Variants in PLEKHA8 observed in about 807,000 individuals in gnomAD.
The protein encoded by PLEKHA8 is pleckstrin homology domain containing A8.
In PLEKHA8, 36 loss-of-function variants were observed where a neutral mutation model predicts 68.2. That is an observed-to-expected ratio of 0.53 (90% CI 0.40 to 0.70). The LOEUF is 0.70. Among genes scored for constraint, PLEKHA8 ranks in the 30% least tolerant of loss-of-function variants. The pLI is 0.00. For synonymous variants in PLEKHA8, 211 were observed against 216.1 expected (o/e 0.98, Z 0.20); for missense variants, 505 against 615.4 (o/e 0.82, Z 1.90).
chr7:30,109,312 C>T (rs535213215), intron 13 of PLEKHA8, among the ~76,000 whole-genome samples: 1 of 152,222 alleles, frequency 6.6e-6, no homozygotes, highest in East Asian at 1.9e-4. Context: ...ATTAACATGG[C>T]TGGGCATGGT....
Position 30,099,478 on chromosome 7 carries a change from G to A in PLEKHA8, c.1362+25346G>A, listed in dbSNP as rs185159774. Among the ~76,000 whole-genome samples, 11 of 152,326 alleles carry A rather than the reference G, an allele frequency of 7.2e-5. No homozygotes were observed. In the East Asian group the frequency reaches 2.1e-3, roughly 29 times the overall value. ...GGAGTATGTCCTTGTAGGTGAAGGCGAGGCACAAAGTCTCCCTTGAGGTGG... is the reference window on the plus strand; with the variant it reads ...GGAGTATGTCCTTGTAGGTGAAGGCAAGGCACAAAGTCTCCCTTGAGGTGG... On this transcript the variant is annotated intron_variant, in intron 13 of 13. Coordinates refer to the PLEKHA8 transcript ENST00000396257.
chr7:30,067,850 C>A (rs369657868), intron 12 of PLEKHA8, among the ~76,000 whole-genome samples: 5 of 152,150 alleles, frequency 3.3e-5, no homozygotes, highest in African/African-American at 1.2e-4. Flanking sequence ...ATGAATAGAC[C>A]ATGGTTTCGA....
downstream of PLEKHA8, among the ~76,000 whole-genome samples, chr7:30,093,098 A>G (rs181238781): frequency 1.9e-4 from 29 of 152,284 alleles, no homozygotes; most frequent in Admixed American, 1.2e-3. Context: ...TGGGCACGTT[A>G]TTTTACAGTG....
At chr7:30,084,898 C>T (rs550523094), downstream of PLEKHA8, among the ~76,000 whole-genome samples, 31 of 152,122 alleles carry the variant, frequency 2.0e-4, no homozygotes, top group Non-Finnish European at 4.3e-4. Context: ...GGAATAGAGC[C>T]AGGCTACAAA....
At chr7:30,101,428 G>A (rs375455514) in intron 13 of PLEKHA8, among the ~76,000 whole-genome samples, 14 of 103,182 alleles carry the variant, frequency 1.4e-4, no homozygotes, top group African/African-American at 4.6e-4. Flanking sequence ...GCCAGAAACC[G>A]TGGTCGGGTT....
rs1408918308 is a variant in PLEKHA8, at chr7:30,082,203, C to A, written c.*3416C>A. ...GCATGTTATTCTGATTATTAAACTT[C>A]CCCCAATGTCATATTCCATGATGAG... On this transcript the variant is annotated 3_prime_UTR_variant, in exon 14 of 14. Transcript: ENST00000449726. The A allele has an allele frequency of 2.0e-6, 2 of 985,360 alleles. No individual in the cohort carries two copies. The highest frequency in any genetic ancestry group is 1.1e-4 in the East Asian group (1 of 8,820). 61.0% of individuals were successfully genotyped at this position (985,360 alleles called of 1,614,324 possible). A position where few individuals can be genotyped will look rare whatever the true frequency, so the allele number is the denominator to read the frequency against.
chr7:30,066,738 G>T (rs1390251645), intron 12 of PLEKHA8, among the ~76,000 whole-genome samples: 1 of 152,100 alleles, frequency 6.6e-6, no homozygotes, highest in Non-Finnish European at 1.5e-5. Flanking sequence ...GTGCTCAGTG[G>T]GATAACATAT....
intron 13 of PLEKHA8, among the ~76,000 whole-genome samples, chr7:30,108,780 C>T (rs1433941109): frequency 2.6e-5 from 4 of 152,206 alleles, no homozygotes; most frequent in African/African-American, 4.8e-5. Flanking sequence ...TTCAGCTTCC[C>T]ACAGAACCAG....
chr7:30,052,609 C>A, intron 6 of PLEKHA8, 100 bp from the exon 7 acceptor site: 1 of 1,037,068 alleles, frequency 9.6e-7, no homozygotes, highest in Non-Finnish European at 1.3e-6. Context: ...CACTGTACTG[C>A]AGCCTGGGTG....
intron 13 of PLEKHA8, among the ~76,000 whole-genome samples, chr7:30,075,663 A>G (rs1293757378): frequency 6.6e-6 from 1 of 152,138 alleles, no homozygotes; most frequent in Non-Finnish European, 1.5e-5. Context: ...CTGAATGAAT[A>G]TTGTGATTAT....
At chr7:30,086,293 C>T (rs960035356), downstream of PLEKHA8, among the ~76,000 whole-genome samples, 5 of 152,182 alleles carry the variant, frequency 3.3e-5, no homozygotes, top group Non-Finnish European at 5.9e-5. Flanking sequence ...CAGGATCTTT[C>T]TCATAATGGC....
intron 13 of PLEKHA8, among the ~76,000 whole-genome samples, chr7:30,121,380 G>A (rs1341308202): frequency 6.6e-6 from 1 of 152,170 alleles, no homozygotes; most frequent in Non-Finnish European, 1.5e-5. Context: ...TGTAATTCCA[G>A]CATTTTGGGT....
At position 30,079,151 on chromosome 7, in the gene PLEKHA8, C is replaced by A; in HGVS notation, c.*364C>A. ...ACCCAAGCTGAAAATCAGCAAATTC[C>A]ATATTAAGTACCATAATTCATAGCC... is the stretch of plus-strand genomic sequence containing the variant. On this transcript the variant is annotated 3_prime_UTR_variant, in exon 14 of 14. Transcript: ENST00000449726. 2.0e-6 allele frequency: 2 copies of A among 1,018,586 alleles called. No homozygotes were observed. The highest frequency in any genetic ancestry group is 1.2e-6 in the Non-Finnish European group (1 of 850,506). 63.1% of individuals were successfully genotyped at this position (1,018,586 alleles called of 1,614,324 possible).
intron 13 of PLEKHA8, chr7:30,118,359 G>A (rs538081128): frequency 4.9e-6 from 1 of 204,448 alleles, no homozygotes; most frequent in East Asian, 1.1e-4. Flanking sequence ...TTGAGTTTGT[G>A]GCCTGTGAAA....
At chr7:30,032,786 G>A (rs1278763704) in intron 1 of PLEKHA8, among the ~76,000 whole-genome samples, 1 of 152,238 alleles carries the variant, frequency 6.6e-6, no homozygotes, top group Non-Finnish European at 1.5e-5. Context: ...TTTCTAACCT[G>A]TGCTTTCTAC....
chr7:30,031,286 G>A (rs942592136), intron 1 of PLEKHA8, among the ~76,000 whole-genome samples: 3 of 152,206 alleles, frequency 2.0e-5, no homozygotes, highest in Admixed American at 6.5e-5. Flanking sequence ...TTGGGGAGGA[G>A]GGAGGGCAGA....
intron 13 of PLEKHA8, among the ~76,000 whole-genome samples, chr7:30,101,628 G>C (rs1795857911): frequency 6.6e-6 from 1 of 152,158 alleles, no homozygotes; most frequent in Admixed American, 6.6e-5. Context: ...TAGGCGCTAG[G>C]ATTTCAACAT....
At chr7:30,097,164 T>C (rs902950606) in intron 13 of PLEKHA8, among the ~76,000 whole-genome samples, 1 of 152,256 alleles carries the variant, frequency 6.6e-6, no homozygotes, top group Non-Finnish European at 1.5e-5. Flanking sequence ...CCCCACTCTC[T>C]TCTGGCTTGT....
chr7:30,028,867 C>T (rs984681793), intron 1 of PLEKHA8, 65 bp downstream of exon 1: 11 of 1,242,268 alleles, frequency 8.9e-6, no homozygotes, highest in Non-Finnish European at 1.1e-5. Context: ...GGCTGGAGGG[C>T]GGTGTCTGGA....
Sources: allele counts gnomAD v4.1 joint callset (sites outside exome capture counted in the v4.1 genomes callset), GRCh38; gene constraint gnomAD v4.1.1; transcripts MANE v1.5; gene names NCBI Gene and HGNC (gene_info 2026-07-23, HGNC 2026-07-21).